Variants in GPC6 observed in about 807,000 individuals in gnomAD.
GPC6 encodes glypican 6.
In GPC6, 14 loss-of-function variants were observed where a neutral mutation model predicts 55.2. The observed-to-expected ratio is 0.25, with a 90% CI of 0.17 to 0.40. The LOEUF is 0.40. Ranked by LOEUF, GPC6 falls within the 10% of genes least tolerant of loss-of-function variation. The pLI is 1.00. For missense variants in GPC6, 641 were observed against 708.5 expected, an observed-to-expected ratio of 0.90 and a Z score of 1.08; for synonymous variants, 278 against 259.6, an observed-to-expected ratio of 1.07 and a Z score of -0.68.
intron 1 of GPC6, among the ~76,000 whole-genome samples, chr13:93,477,061 T>C (rs191238194): frequency 2.6e-5 from 4 of 152,240 alleles, no homozygotes; most frequent in Admixed American, 2.6e-4. Flanking sequence ...CTGAGGAAAG[T>C]TTTGATGAAA....
intron 1 of GPC6, among the ~76,000 whole-genome samples, chr13:93,231,397 G>GTATATATATATA (rs71123471): frequency 6.5e-5 from 3 of 45,848 alleles, no homozygotes; most frequent in Non-Finnish European, 1.2e-4. Flanking sequence ...ATATATATAT[G>GTATATATATATA]TATATATATA....
intron 2 of GPC6, among the ~76,000 whole-genome samples, chr13:93,576,724 T>G (rs1292787605): frequency 6.6e-6 from 1 of 152,124 alleles, no homozygotes; most frequent in East Asian, 1.9e-4. Context: ...TTCTTAATAG[T>G]GCTACTACAA....
Position 94,306,026 on chromosome 13 carries a change from C to G in GPC6, c.1055C>G (p.Ser352Cys). Residue 352 changes from serine to cysteine, a missense_variant, in exon 6 of 9, where the codon TCT (serine) becomes TGT (cysteine). Transcript: ENST00000377047. ...GQPKPAPALR[S>C]ARSAPENFNT... ...CCCAAACCTGCTCCAGCCCTCAGATCTGCCCGCTCAGCTCCTGAAAATTTT... is the reference window on the plus strand; with the variant it reads ...CCCAAACCTGCTCCAGCCCTCAGATGTGCCCGCTCAGCTCCTGAAAATTTT... 1 of 1,614,164 alleles carries G rather than the reference C, an allele frequency of 6.2e-7. No individual in the cohort carries two copies. Among genetic ancestry groups the G allele is most frequent in the South Asian group, 1.1e-5 (1 of 91,084 alleles).
chr13:93,496,871 G>T (rs985479274), intron 1 of GPC6, among the ~76,000 whole-genome samples: 19 of 152,170 alleles, frequency 1.2e-4, no homozygotes, highest in Non-Finnish European at 2.8e-4. Context: ...AATAGTCTGT[G>T]TTAAACATAA....
intron 2 of GPC6, among the ~76,000 whole-genome samples, chr13:93,794,711 CT>C (rs1453059528): frequency 9.2e-5 from 14 of 152,214 alleles, no homozygotes; most frequent in African/African-American, 3.1e-4. Context: ...TCACAGCTGC[CT>C]ATTAGAGTCA....
At chr13:93,301,676 T>C (rs1395761831) in intron 1 of GPC6, among the ~76,000 whole-genome samples, 1 of 152,192 alleles carries the variant, frequency 6.6e-6, no homozygotes, top group Non-Finnish European at 1.5e-5. Flanking sequence ...CTGTCATCTC[T>C]AGGAGGCATG....
At chr13:94,286,327 T>C (rs1394967558) in intron 4 of GPC6, 22 bp from the exon 5 acceptor site, 2 of 1,613,430 alleles carry the variant, frequency 1.2e-6, no homozygotes, top group South Asian at 2.2e-5. Flanking sequence ...TGCAAATAAA[T>C]CATGTTCCTG....
intron 1 of GPC6, among the ~76,000 whole-genome samples, chr13:93,398,755 C>A (rs1875956690): frequency 6.6e-6 from 1 of 152,084 alleles, no homozygotes; most frequent in Non-Finnish European, 1.5e-5. Flanking sequence ...TTACTATCTG[C>A]ATTCTAAAGA....
chr13:94,098,214 C>T (rs1010820455), intron 4 of GPC6, among the ~76,000 whole-genome samples: 6 of 152,068 alleles, frequency 3.9e-5, no homozygotes, highest in Admixed American at 6.6e-5. Flanking sequence ...TAGCTTTGGC[C>T]GTATGAGGCC....
chr13:93,911,247 C>A (rs114055900), intron 3 of GPC6, among the ~76,000 whole-genome samples: 3,265 of 152,248 alleles, frequency 0.021, 63 homozygotes, highest in East Asian at 0.072. Flanking sequence ...TTGTCAACCT[C>A]AGGTCTCATA....
intron 1 of GPC6, among the ~76,000 whole-genome samples, chr13:93,286,322 T>C (rs1399549605): frequency 1.3e-5 from 2 of 152,172 alleles, no homozygotes; most frequent in Non-Finnish European, 2.9e-5. Flanking sequence ...TTCGGTCCCA[T>C]GACATGTGAG....
In GPC6 at chr13:93,327,558, G is replaced by C. The variant is rs116093148; in HGVS notation, c.160+99942G>C. Among the ~76,000 whole-genome samples, 513 of 152,190 alleles carry C rather than the reference G, an allele frequency of 3.4e-3. 5 individuals carry two copies. Among genetic ancestry groups the C allele is most frequent in the African/African-American group, 0.012 (498 of 41,518 alleles). On this transcript the variant is annotated intron_variant, in intron 1 of 8. Coordinates refer to ENST00000377047, the MANE Select transcript of GPC6 (RefSeq NM_005708.5). ...GGAGACAATGGTTATGTAATGAAAG[G>C]TGCTTAACATCAGAAGACCTGGATT...
chr13:94,129,541 G>A (rs1301249868), intron 4 of GPC6, among the ~76,000 whole-genome samples: 1 of 152,060 alleles, frequency 6.6e-6, no homozygotes, highest in Non-Finnish European at 1.5e-5. Flanking sequence ...CCACTCTTCT[G>A]TGACCCAATC....
At chr13:93,358,769 A>G (rs2139174229) in intron 1 of GPC6, among the ~76,000 whole-genome samples, 1 of 152,224 alleles carries the variant, frequency 6.6e-6, no homozygotes, top group East Asian at 1.9e-4. Context: ...ATTTAACTAT[A>G]TATTCATTTT....
At chr13:94,081,656 TG>T (rs1309847242) in intron 4 of GPC6, among the ~76,000 whole-genome samples, 1 of 152,140 alleles carries the variant, frequency 6.6e-6, no homozygotes, top group Non-Finnish European at 1.5e-5. Flanking sequence ...AGGAAGAAGC[TG>T]GAAGTCCTGG....
intron 2 of GPC6, among the ~76,000 whole-genome samples, chr13:93,633,427 C>T (rs1235173578): frequency 1.3e-5 from 2 of 152,102 alleles, no homozygotes; most frequent in East Asian, 1.9e-4. Context: ...AGGTGGATCA[C>T]TTGAGGTCAG....
intron 4 of GPC6, among the ~76,000 whole-genome samples, chr13:94,260,710 C>CTG (rs1404356346): frequency 6.6e-6 from 1 of 152,102 alleles, no homozygotes; most frequent in African/African-American, 2.4e-5. Context: ...ATCATAGGGC[C>CTG]TGGTGACTAC....
intron 2 of GPC6, among the ~76,000 whole-genome samples, chr13:93,725,314 G>T (rs1237093925): frequency 6.6e-6 from 1 of 151,888 alleles, no homozygotes; most frequent in African/African-American, 2.4e-5. Context: ...CATGCTCTTA[G>T]TAGTCTTTGA....
chr13:93,777,483 C>T (rs922519797), intron 2 of GPC6, among the ~76,000 whole-genome samples: 2 of 152,068 alleles, frequency 1.3e-5, no homozygotes, highest in Non-Finnish European at 2.9e-5. Flanking sequence ...GTTTGCTTAA[C>T]AAAATTATTT....
Sources: gnomAD v4.1 joint callset for allele counts (sites outside exome capture counted in the v4.1 genomes callset) on GRCh38, gnomAD v4.1.1 for gene constraint, MANE v1.5 for transcripts, NCBI Gene and HGNC (gene_info 2026-07-23, HGNC 2026-07-21) for gene names.